RBFOX1: variants seen among roughly 807,000 people sequenced by gnomAD.
RBFOX1 encodes the protein RNA binding fox-1 homolog 1, also known as RNA binding protein fox-1 homolog 1.
A neutral mutation model predicts 57.7 loss-of-function variants in RBFOX1; 8 were observed. That is an observed-to-expected ratio of 0.14 (90% CI 0.08 to 0.25). RBFOX1 has a LOEUF of 0.25. Ranked by LOEUF, RBFOX1 falls within the 10% of genes least tolerant of loss-of-function variation. The pLI, the probability that RBFOX1 is intolerant of heterozygous loss-of-function variation, is 1.00. For synonymous variants in RBFOX1, 326 were observed against 222.4 expected (o/e 1.47, Z -4.15); for missense variants, 611 against 548.5 (o/e 1.11, Z -1.14).
At chr16:5,923,195 T>G (rs2058863877) in intron 4 of RBFOX1, among the ~76,000 whole-genome samples, 1 of 152,166 alleles carries the variant, frequency 6.6e-6, no homozygotes, top group Admixed American at 6.5e-5. Flanking sequence ...ATAGGGTAGT[T>G]TAGGCGAGAC....
intron 1 of RBFOX1, among the ~76,000 whole-genome samples, chr16:6,259,038 A>G (rs549573303): frequency 2.4e-4 from 37 of 152,338 alleles, no homozygotes; most frequent in South Asian, 4.1e-4. Context: ...TTCTAAATCA[A>G]AATTGTTATT....
chr16:7,264,674 A>T (rs1390179979), intron 4 of RBFOX1, among the ~76,000 whole-genome samples: 2 of 152,252 alleles, frequency 1.3e-5, no homozygotes, highest in African/African-American at 4.8e-5. Flanking sequence ...GGTGTCATGC[A>T]ATCTTATTTT....
intron 3 of RBFOX1, among the ~76,000 whole-genome samples, chr16:5,630,504 C>G (rs2048473296): frequency 6.6e-6 from 1 of 152,028 alleles, no homozygotes; most frequent in African/African-American, 2.4e-5. Context: ...CCTTAGACAT[C>G]AGATGTGCCC....
At chr16:5,864,829 A>G (rs146026085) in intron 3 of RBFOX1, among the ~76,000 whole-genome samples, 232 of 152,272 alleles carry the variant, frequency 1.5e-3, no homozygotes, top group African/African-American at 5.4e-3. Flanking sequence ...CTAGTGGGCA[A>G]TCATTAGTTA....
intron 3 of RBFOX1, among the ~76,000 whole-genome samples, chr16:5,676,458 G>T (rs76982675): frequency 0.021 from 3,268 of 152,264 alleles, 109 homozygotes; most frequent in African/African-American, 0.074. Flanking sequence ...CTCACTAGCT[G>T]TGTGACCTTG....
intron 2 of RBFOX1, among the ~76,000 whole-genome samples, chr16:6,360,011 T>C (rs2088144029): frequency 6.6e-6 from 1 of 152,212 alleles, no homozygotes; most frequent in African/African-American, 2.4e-5. Context: ...TTACAGAACG[T>C]GAGGAACAAT....
At chr16:5,249,151 G>A (rs148191256) in intron 1 of RBFOX1, among the ~76,000 whole-genome samples, 3 of 152,302 alleles carry the variant, frequency 2.0e-5, no homozygotes, top group East Asian at 1.9e-4. Flanking sequence ...CCTGCTCCAG[G>A]TGAGGCTGCG....
chr16:6,045,150 G>T (rs78949128), intron 1 of RBFOX1, among the ~76,000 whole-genome samples: 99 of 152,304 alleles, frequency 6.5e-4, no homozygotes, highest in African/African-American at 2.3e-3. Context: ...CAAGACTCTT[G>T]TTAAAATGCA....
intron 3 of RBFOX1, among the ~76,000 whole-genome samples, chr16:6,781,495 G>C (rs1241414168): frequency 6.6e-6 from 1 of 152,006 alleles, no homozygotes; most frequent in African/African-American, 2.4e-5. Context: ...AGTTTGAATA[G>C]AATTGGTATT....
intron 3 of RBFOX1, among the ~76,000 whole-genome samples, chr16:6,842,030 C>T (rs890383245): frequency 2.0e-5 from 3 of 151,642 alleles, no homozygotes; most frequent in Non-Finnish European, 4.4e-5. Flanking sequence ...GTAGTCCCAG[C>T]TACACGGGAG....
intron 3 of RBFOX1, among the ~76,000 whole-genome samples, chr16:7,018,531 T>G (rs1410063598): frequency 6.6e-6 from 1 of 152,176 alleles, no homozygotes; most frequent in Non-Finnish European, 1.5e-5. Flanking sequence ...AGTGCCGCAG[T>G]AAACATACAT....
intron 13 of RBFOX1, 58 bp downstream of exon 13, chr16:7,665,026 C>T: frequency 1.2e-6 from 2 of 1,613,736 alleles, no homozygotes; most frequent in South Asian, 1.1e-5. Context: ...ATTCTTTTTA[C>T]AAGTTTGCTG....
At chr16:5,717,732 C>T (rs998382667) in intron 3 of RBFOX1, among the ~76,000 whole-genome samples, 8 of 152,136 alleles carry the variant, frequency 5.3e-5, no homozygotes, top group East Asian at 1.9e-4. Context: ...GGGAGGGCTT[C>T]GGTAACTACC....
intron 1 of RBFOX1, among the ~76,000 whole-genome samples, chr16:6,069,946 C>A (rs1421449571): frequency 6.6e-6 from 1 of 152,088 alleles, no homozygotes; most frequent in Non-Finnish European, 1.5e-5. Flanking sequence ...GAGATCCAAC[C>A]GCTGCACTCC....
In RBFOX1 at chr16:7,068,816, A is replaced by C. The variant is rs901198170; in HGVS notation, c.27+16718A>C. On this transcript the variant is annotated intron_variant, in intron 4 of 15. Transcript: ENST00000550418. ...GTTGGCCAGGCTGGTCTCGAACTCC[A>C]GACCTCAAGTGGTCCACCTGCCATG... Among the ~76,000 whole-genome samples the C allele has an allele frequency of 2.0e-5, 3 of 152,278 alleles. No homozygotes were observed. The East Asian group carries it at 5.8e-4, about 29-fold the overall frequency.
intron 1 of RBFOX1, among the ~76,000 whole-genome samples, chr16:5,345,007 T>G (rs906871426): frequency 6.6e-6 from 1 of 152,216 alleles, no homozygotes; most frequent in Non-Finnish European, 1.5e-5. Flanking sequence ...TCCCTGCCCT[T>G]TGCAGGCACC....
At chr16:6,806,609 T>G (rs1393586214) in intron 3 of RBFOX1, among the ~76,000 whole-genome samples, 1 of 151,806 alleles carries the variant, frequency 6.6e-6, no homozygotes, top group East Asian at 1.9e-4. Flanking sequence ...ATCACATCAT[T>G]GGTTTTTTAA....
chr16:6,784,150 C>T (rs538136334), intron 3 of RBFOX1, among the ~76,000 whole-genome samples: 7 of 152,052 alleles, frequency 4.6e-5, no homozygotes, highest in African/African-American at 1.7e-4. Context: ...TTTCTTGTAC[C>T]TGGATATTCA....
intron 3 of RBFOX1, among the ~76,000 whole-genome samples, chr16:5,825,383 T>C (rs1475094707): frequency 1.3e-5 from 2 of 152,238 alleles, no homozygotes; most frequent in East Asian, 3.9e-4. Context: ...GCTCATTTCC[T>C]GTATACAATC....
Sources: allele counts gnomAD v4.1 joint callset (sites outside exome capture counted in the v4.1 genomes callset), GRCh38; gene constraint gnomAD v4.1.1; transcripts MANE v1.5; gene names NCBI Gene and HGNC (gene_info 2026-07-23, HGNC 2026-07-21).